MTERF3: variants seen among roughly 807,000 people sequenced by gnomAD.
The protein encoded by MTERF3 is transcription termination factor 3, mitochondrial.
Under a neutral mutation model 40.5 loss-of-function variants are expected in MTERF3, and 40 were observed. The ratio of observed to expected loss-of-function variants is 0.99; its 90% CI spans 0.77 to 1.29. The LOEUF is 1.29. MTERF3 is among the 50% of genes most tolerant of loss of function. The pLI is 0.00. For synonymous variants in MTERF3, 158 were observed against 166.6 expected (o/e 0.95, Z 0.40); for missense variants, 452 against 478.2 (o/e 0.95, Z 0.51).
At chr8:96,252,334 T>G (rs551894927) in intron 3 of MTERF3, among the ~76,000 whole-genome samples, 1 of 152,254 alleles carries the variant, frequency 6.6e-6, no homozygotes, top group Non-Finnish European at 1.5e-5. Flanking sequence ...TGTTAAAATA[T>G]ATGGGACCAT....
At chr8:96,244,211 A>G in intron 6 of MTERF3, 131 bp from the exon 7 acceptor site, 1 of 665,574 alleles carries the variant, frequency 1.5e-6, no homozygotes, top group Non-Finnish European at 2.5e-6. Context: ...GTGCAGTGGC[A>G]TGATCTCCTG....
intron 4 of MTERF3, among the ~76,000 whole-genome samples, chr8:96,246,854 A>G (rs1810030926): frequency 6.6e-6 from 1 of 151,936 alleles, no homozygotes; most frequent in Non-Finnish European, 1.5e-5. Context: ...TTTTTTGATA[A>G]GAACAGAAAA....
chr8:96,250,756 C>G, intron 4 of MTERF3, 150 bp downstream of exon 4: 1 of 543,746 alleles, frequency 1.8e-6, no homozygotes, highest in East Asian at 3.7e-5. Flanking sequence ...GTTGTAAATA[C>G]TTAATTTAGA....
At chr8:96,250,703 G>GAA (rs1259126444) in intron 4 of MTERF3, among the ~76,000 whole-genome samples, 5 of 63,332 alleles carry the variant, frequency 7.9e-5, no homozygotes, top group Non-Finnish European at 1.7e-4. Context: ...GAGGGGGGGA[G>GAA]GGGGAGGGGG....
rs1057490543 is a variant in MTERF3, at chr8:96,245,943, A to G, written c.826-12T>C. 3.7e-6 allele frequency: 6 copies of G among 1,612,004 alleles called. No individual in the cohort carries two copies. The African/African-American group carries it at 8.0e-5, about 22-fold the overall frequency. ...ACCAGATCTCTAGTCTGTGGTTGCA[A>G]ACAAAACAATCTAGTATTACTATAC... On this transcript the variant is annotated splice_polypyrimidine_tract_variant and intron_variant, in intron 5 of 7. Transcript: ENST00000287025.
rs955824608 is a variant in MTERF3 at position 96,240,247 on chromosome 8, CAAAAAA to C, written c.1060-568_1060-563del. Among the ~76,000 whole-genome samples the C allele has an allele frequency of 3.9e-5, 4 of 103,206 alleles. No homozygotes were observed. In the Admixed American group the frequency reaches 4.2e-4, roughly 11 times the overall value. 67.7% of individuals were successfully genotyped at this position (103,206 alleles called of 152,430 possible). ...TGGGCAACAGAGTAAGACTCCATCT[CAAAAAA>C]AAAAAAAAAGGCAAATCCTCAAGCC... On this transcript the variant is annotated intron_variant, in intron 7 of 7. Coordinates refer to ENST00000287025, the MANE Select transcript of MTERF3 (RefSeq NM_015942.5).
At chr8:96,253,440 G>A (rs1329232469) in intron 3 of MTERF3, among the ~76,000 whole-genome samples, 1 of 152,142 alleles carries the variant, frequency 6.6e-6, no homozygotes, top group African/African-American at 2.4e-5. Context: ...CCCACTGGCT[G>A]AAGCTGCCAA....
At chr8:96,253,597 C>T (rs1388682205) in intron 3 of MTERF3, among the ~76,000 whole-genome samples, 1 of 152,088 alleles carries the variant, frequency 6.6e-6, no homozygotes, top group African/African-American at 2.4e-5. Flanking sequence ...ATAAGGCTCC[C>T]CTAAGTTACT....
chr8:96,241,364 C>T (rs941645115), intron 7 of MTERF3, among the ~76,000 whole-genome samples: 2 of 151,474 alleles, frequency 1.3e-5, no homozygotes, highest in Non-Finnish European at 1.5e-5. Context: ...GAGCCGAGAT[C>T]ACGCCACTGC....
chr8:96,242,884 G>A (rs1408531871), intron 7 of MTERF3, among the ~76,000 whole-genome samples: 2 of 152,062 alleles, frequency 1.3e-5, no homozygotes, highest in Non-Finnish European at 2.9e-5. Flanking sequence ...GTGATATACT[G>A]GAAAAATGAA....
chr8:96,253,385 A>G (rs1439618670), intron 3 of MTERF3, among the ~76,000 whole-genome samples: 1 of 152,146 alleles, frequency 6.6e-6, no homozygotes, highest in Non-Finnish European at 1.5e-5. Context: ...GGAACGGGAA[A>G]AATATCCCCA....
chr8:96,257,355 T>G (rs768627334), intron 2 of MTERF3: 4 of 343,256 alleles, frequency 1.2e-5, no homozygotes, highest in Non-Finnish European at 2.1e-5. Flanking sequence ...ACACAATGCC[T>G]TTCCTTCACT....
intron 1 of MTERF3, among the ~76,000 whole-genome samples, chr8:96,260,761 T>G (rs956620453): frequency 2.0e-5 from 3 of 152,254 alleles, no homozygotes; most frequent in African/African-American, 7.2e-5. Context: ...CTTTCATTGC[T>G]GCCTACACAT....
chr8:96,246,747 T>C (rs757923509), intron 4 of MTERF3, among the ~76,000 whole-genome samples: 2 of 152,202 alleles, frequency 1.3e-5, no homozygotes, highest in Non-Finnish European at 2.9e-5. Context: ...AGCAAAAACA[T>C]GATTACTTTT....
intron 2 of MTERF3, among the ~76,000 whole-genome samples, chr8:96,257,983 T>TA: frequency 6.6e-6 from 1 of 152,190 alleles, no homozygotes; most frequent in Non-Finnish European, 1.5e-5. Flanking sequence ...CAGTAGTTCT[T>TA]ACACACTAAA....
At position 96,250,673 on chromosome 8, in the gene MTERF3, A is replaced by AG. The variant is rs1159026701; in HGVS notation, c.677+232dup. Among the ~76,000 whole-genome samples the AG allele has an allele frequency of 3.4e-3, 135 of 40,114 alleles. 36 individuals carry two copies. The highest frequency in any genetic ancestry group is 0.02 in the African/African-American group (127 of 6,216). The allele number at this position is 40,114 out of a possible 152,430, so 26.3% of individuals were successfully genotyped here. On this transcript the variant is annotated intron_variant, in intron 4 of 7. Transcript: ENST00000287025. ...AAGAAGAAGAAGAAGAAGAAGAAGA[A>AG]GAAGAAGAAGGAGGAGGAGGAGGGG...
chr8:96,247,851 A>T lies in MTERF3; in HGVS notation c.678-1397T>A, dbSNP rs1174170156. ...TATCTGCAACATGTCTCAGAGACAG[A>T]ACTAATTTTCTTCATATATAAAAGA... is the stretch of plus-strand genomic sequence containing the variant. On this transcript the variant is annotated intron_variant, in intron 4 of 7. Transcript: ENST00000287025. 2.0e-5 allele frequency among the ~76,000 whole-genome samples: 3 copies of T among 152,232 alleles called. No individual in the cohort carries two copies. In the East Asian group the frequency reaches 5.8e-4, roughly 29 times the overall value.
chr8:96,250,683 G>GAAGAA (rs1479466031), intron 4 of MTERF3, among the ~76,000 whole-genome samples: 6 of 58,914 alleles, frequency 1.0e-4, no homozygotes, highest in East Asian at 3.9e-4. Context: ...AGAAGAAGAA[G>GAAGAA]GAGGAGGAGG....
rs1810022070 is a variant in MTERF3, at chr8:96,246,406, C to G, written c.726G>C (p.Gln242His). Residue 242 changes from glutamine to histidine, a missense_variant, in exon 5 of 8, where the codon CAG becomes CAC. By Grantham distance (24) the Gln-to-His change is conservative. Transcript: ENST00000287025. ...SKNFSKADVAQMVRKAPFLLN... is the reference protein window; with the variant it reads ...SKNFSKADVAHMVRKAPFLLN... ...GCAAAAATGGTGCTTTTCTGACCAT[C>G]TGTGCAACATCTGCTTTACTGAAAT... 6.2e-7 allele frequency: 1 copy of G among 1,612,926 alleles called. No homozygotes were observed. Among genetic ancestry groups the G allele is most frequent in the Non-Finnish European group, 8.5e-7 (1 of 1,179,744 alleles).
Sources: gnomAD v4.1 joint callset for allele counts (sites outside exome capture counted in the v4.1 genomes callset) on GRCh38, gnomAD v4.1.1 for gene constraint, MANE v1.5 for transcripts, NCBI Gene and HGNC (gene_info 2026-07-23, HGNC 2026-07-21) for gene names.